Variants in EFCAB8 observed in about 807,000 individuals in gnomAD.
The protein encoded by EFCAB8 is EF-hand calcium-binding domain-containing protein 8.
EFCAB8 carries 100 observed loss-of-function variants against 116.3 expected under a neutral mutation model. The observed-to-expected ratio is 0.86, with a 90% CI of 0.73 to 1.02. The LOEUF (loss-of-function observed/expected upper bound fraction) is 1.02. EFCAB8 is among the 50% of genes least tolerant of loss of function. The pLI, the probability that EFCAB8 is intolerant of heterozygous loss-of-function variation, is 0.00. For missense variants in EFCAB8, 1,320 were observed against 1,416.9 expected, an observed-to-expected ratio of 0.93 and a Z score of 1.10; for synonymous variants, 558 against 567.9, an observed-to-expected ratio of 0.98 and a Z score of 0.25.
intron 11 of EFCAB8, among the ~76,000 whole-genome samples, chr20:32,904,085 C>G (rs1401345365): frequency 2.0e-5 from 3 of 151,968 alleles, no homozygotes; most frequent in African/African-American, 7.3e-5. Flanking sequence ...ACCTCAAACT[C>G]CCAGGCTCAA....
chr20:32,944,874 G>A (rs1161379820), intron 23 of EFCAB8, among the ~76,000 whole-genome samples: 5 of 151,902 alleles, frequency 3.3e-5, no homozygotes, highest in Admixed American at 3.3e-4. Context: ...AACATTTTCA[G>A]CCATTATTTA....
chr20:32,942,893 C>G lies in EFCAB8; in HGVS notation c.2791-743C>G, dbSNP rs73904086. Among the ~76,000 whole-genome samples, 475 of 152,192 alleles carry G rather than the reference C, an allele frequency of 3.1e-3. 3 individuals are homozygous for G. The highest frequency in any genetic ancestry group is 0.011 in the African/African-American group (456 of 41,516). On this transcript the variant is annotated intron_variant, in intron 22 of 26. Coordinates refer to ENST00000400522, the MANE Select transcript of EFCAB8 (RefSeq NM_001143967.2). ...GTTTATTGAGTCATGTTTTCTGTTA[C>G]CACTCTTACTATATACCAGTTTTAC...
intron 20 of EFCAB8, among the ~76,000 whole-genome samples, chr20:32,926,661 TC>T (rs1183167915): frequency 5.9e-5 from 6 of 101,494 alleles, no homozygotes; most frequent in African/African-American, 2.3e-4. Flanking sequence ...CCCTCCCCCC[TC>T]CCCCGACCCC....
rs530110286 is a variant in EFCAB8, at chr20:32,926,508, A to G, written c.2413-3890A>G. Among the ~76,000 whole-genome samples, 89 of 119,618 alleles carry G rather than the reference A, an allele frequency of 7.4e-4. 1 individual carries two copies. The highest frequency in any genetic ancestry group is 8.1e-4 in the Non-Finnish European group (45 of 55,810). 78.5% of individuals were successfully genotyped at this position (119,618 alleles called of 152,430 possible). On this transcript the variant is annotated intron_variant, in intron 20 of 26. Transcript: ENST00000400522. ...CAGCACATAATAATCTATCCACTTC[A>G]TTCTTTTTTTTTTTATTATACTTTA...
chr20:32,888,092 C>T (rs1985725227), intron 6 of EFCAB8, among the ~76,000 whole-genome samples: 1 of 151,276 alleles, frequency 6.6e-6, no homozygotes, highest in African/African-American at 2.4e-5. Context: ...GAGACTGGGT[C>T]TTGCTCTGTC....
At chr20:32,900,507 C>T (rs897717346) in intron 11 of EFCAB8, among the ~76,000 whole-genome samples, 2 of 151,382 alleles carry the variant, frequency 1.3e-5, no homozygotes, top group East Asian at 1.9e-4. Context: ...ACTACAGGCA[C>T]GTGCCCCCGT....
Position 32,871,666 on chromosome 20 carries a change from A to G in EFCAB8, c.208+3919A>G, listed in dbSNP as rs1473377739. ...TTGTTGATGTAGGATAAAGGAAAAT[A>G]GGATCATTTTTCTCTTTTGAAAGTC... On this transcript the variant is annotated intron_variant, in intron 3 of 26. Coordinates refer to ENST00000400522, the MANE Select transcript of EFCAB8 (RefSeq NM_001143967.2). 2.0e-5 allele frequency among the ~76,000 whole-genome samples: 3 copies of G among 152,144 alleles called. No homozygotes were observed. The East Asian group carries it at 5.8e-4, about 29-fold the overall frequency.
chr20:32,891,462 C>T (rs1266705644), intron 7 of EFCAB8, among the ~76,000 whole-genome samples: 1 of 152,214 alleles, frequency 6.6e-6, no homozygotes, highest in Non-Finnish European at 1.5e-5. Context: ...AGGTGATCCA[C>T]CTGCCTCAGC....
chr20:32,875,071 GT>G lies in EFCAB8; in HGVS notation c.209-851del, dbSNP rs145879623. Among the ~76,000 whole-genome samples the G allele has an allele frequency of 5.0e-3, 765 of 152,294 alleles. 5 individuals carry two copies. Among genetic ancestry groups the G allele is most frequent in the Non-Finnish European group, 8.0e-3 (547 of 68,026 alleles). ...GCCTGGTTCTCCTTTTCTTTGGAGA[GT>G]TTTCTTTGTCTCAATCCTTCCTCTT... On this transcript the variant is annotated intron_variant, in intron 3 of 26. Coordinates refer to ENST00000400522, the MANE Select transcript of EFCAB8 (RefSeq NM_001143967.2).
chr20:32,954,076 G>A (rs1206199324), intron 23 of EFCAB8, among the ~76,000 whole-genome samples: 1 of 152,158 alleles, frequency 6.6e-6, no homozygotes, highest in Non-Finnish European at 1.5e-5. Context: ...AAAGTGCTGG[G>A]ATCTTAGATG....
rs1424642727 is a variant in EFCAB8 at position 32,920,188 on chromosome 20, G to A, written c.2385G>A (p.Leu795=). 1 of 1,551,696 alleles carries A rather than the reference G, an allele frequency of 6.4e-7. No individual in the cohort carries two copies. The highest frequency in any genetic ancestry group is 8.7e-7 in the Non-Finnish European group (1 of 1,146,980). The change falls in exon 20 of 27, where the codon TTG becomes TTA. Residue 795 remains leucine (L), a synonymous_variant. Transcript: ENST00000400522. ...AAGGAGAATGGCAGAAGAATATGTT[G>A]GTTCAATCCAGTGCCTCGGTGGAGA... is the stretch of plus-strand genomic sequence containing the variant. ...TRKGEWQKNM[L]VQSSASVEKI...
At chr20:32,862,418 C>G (rs937907265) in intron 1 of EFCAB8, among the ~76,000 whole-genome samples, 41 of 152,212 alleles carry the variant, frequency 2.7e-4, no homozygotes, top group African/African-American at 9.9e-4. Flanking sequence ...CCTAGTATCA[C>G]ATGCATTAAA....
intron 4 of EFCAB8, among the ~76,000 whole-genome samples, chr20:32,878,177 G>A (rs1414320615): frequency 6.6e-6 from 1 of 152,002 alleles, no homozygotes; most frequent in Non-Finnish European, 1.5e-5. Flanking sequence ...GAGGTGGGAG[G>A]ATCACTTGAG....
chr20:32,926,887 CAT>C (rs1468774157), intron 20 of EFCAB8, among the ~76,000 whole-genome samples: 1 of 148,342 alleles, frequency 6.7e-6, no homozygotes, highest in Non-Finnish European at 1.5e-5. Context: ...ATATGTGCCA[CAT>C]TTTCTTAATC....
chr20:32,889,399 A>G lies in EFCAB8; in HGVS notation c.666A>G (p.Gln222=). The change falls in exon 7 of 27, where the codon CAA becomes CAG. Residue 222 remains glutamine, a synonymous_variant. Transcript: ENST00000400522. The part of the protein sequence containing the change: ...MNLVAVASTR[Q]KIDFFDISDH... Reference sequence around the variant, plus strand: ...TCGTTGCAGTTGCGTCTACCAGGCAAAAGATAGGTGAGTCCCTGGGGGCTT... The same window carrying G: ...TCGTTGCAGTTGCGTCTACCAGGCAGAAGATAGGTGAGTCCCTGGGGGCTT... 1 of 1,551,810 alleles carries G rather than the reference A, an allele frequency of 6.4e-7. No homozygotes were observed. The highest frequency in any genetic ancestry group is 1.2e-5 in the South Asian group (1 of 84,058).
At chr20:32,936,393 C>T (rs1489762332) in intron 22 of EFCAB8, among the ~76,000 whole-genome samples, 1 of 152,180 alleles carries the variant, frequency 6.6e-6, no homozygotes, top group African/African-American at 2.4e-5. Flanking sequence ...TTGCTCAGAT[C>T]AATGTCATGG....
Position 32,892,307 on chromosome 20 carries a change from C to T in EFCAB8, c.758+10C>T, listed in dbSNP as rs1401646590. 5 of 1,551,078 alleles carry T rather than the reference C, an allele frequency of 3.2e-6. No individual in the cohort carries two copies. In the East Asian group the frequency reaches 9.8e-5, roughly 30 times the overall value. The stretch of plus-strand genomic sequence containing the variant: ...TGGTCATGGACTACTGGTGAGTCTC[C>T]ACTGGGTGTTCCTCACATGAACCAG... On this transcript the variant is annotated intron_variant, in intron 8 of 26. Transcript: ENST00000400522.
At chr20:32,878,431 A>C (rs1344776645) in intron 4 of EFCAB8, among the ~76,000 whole-genome samples, 1 of 151,896 alleles carries the variant, frequency 6.6e-6, no homozygotes, top group African/African-American at 2.4e-5. Context: ...GTACTTGGGA[A>C]GCAGCCACCA....
chr20:32,945,218 G>T (rs1175960520), intron 23 of EFCAB8, among the ~76,000 whole-genome samples: 1 of 152,014 alleles, frequency 6.6e-6, no homozygotes, highest in Non-Finnish European at 1.5e-5. Flanking sequence ...GAGTGCAGTG[G>T]CACGAATTCA....
Sources: allele counts gnomAD v4.1 joint callset (sites outside exome capture counted in the v4.1 genomes callset), GRCh38; gene constraint gnomAD v4.1.1; transcripts MANE v1.5; gene names NCBI Gene and HGNC (gene_info 2026-07-23, HGNC 2026-07-21).